Variants in VPS18 observed in about 807,000 individuals in gnomAD.
VPS18 encodes vacuolar protein sorting-associated protein 18 homolog.
VPS18 carries 25 observed loss-of-function variants against 82.0 expected under a neutral mutation model. The observed-to-expected ratio is 0.30, with a 90% CI of 0.22 to 0.43. The LOEUF (loss-of-function observed/expected upper bound fraction) is 0.43. VPS18 is among the 20% of genes least tolerant of loss of function. The probability of loss-of-function intolerance (pLI) is 1.00; values close to 1 mark genes in which losing one functional copy is unlikely to be tolerated. For synonymous variants in VPS18, 523 were observed against 543.0 expected (o/e 0.96, Z 0.51); for missense variants, 1,168 against 1,311.1 (o/e 0.89, Z 1.69).
In VPS18 at chr15:40,903,541, C is replaced by A; in HGVS notation, c.*200C>A. ...CAGCTTTTCATGCTGTTCTTCAGAG[C>A]TGCAGTTATGCCAGACCATCAGCCT... is the stretch of plus-strand genomic sequence containing the variant. On this transcript the variant is annotated 3_prime_UTR_variant, in exon 5 of 5. Transcript: ENST00000220509. 1 of 700,494 alleles carries A rather than the reference C, an allele frequency of 1.4e-6. No individual in the cohort carries two copies. The highest frequency in any genetic ancestry group is 2.1e-6 in the Non-Finnish European group (1 of 471,570). 43.4% of individuals were successfully genotyped at this position (700,494 alleles called of 1,614,324 possible).
chr15:40,903,676 A>C lies in VPS18; in HGVS notation c.*335A>C. On this transcript the variant is annotated 3_prime_UTR_variant, in exon 5 of 5. Coordinates refer to ENST00000220509, the MANE Select transcript of VPS18 (RefSeq NM_020857.3). ...GTCATTCCCCACACACGTCCTGTTC[A>C]CCTCGAGAGAGAGAGAGAGAGAGCA... 1 of 219,476 alleles carries C rather than the reference A, an allele frequency of 4.6e-6. No individual in the cohort carries two copies. The highest frequency in any genetic ancestry group is 1.4e-4 in the South Asian group (1 of 7,048). 13.6% of individuals were successfully genotyped at this position (219,476 alleles called of 1,614,324 possible).
At position 40,903,297 on chromosome 15, in the gene VPS18, A is replaced by C. The variant is rs1439630151; in HGVS notation, c.2878A>C (p.Ile960Leu). 1 of 1,562,172 alleles carries C rather than the reference A, an allele frequency of 6.4e-7. No individual in the cohort carries two copies. Among genetic ancestry groups the C allele is most frequent in the Non-Finnish European group, 8.7e-7 (1 of 1,154,914 alleles). ...GATCCGCTCTATCGACCGGCCGTTCATCGACCCCCAGCGCTACGAGGAGGA... is the reference window on the plus strand; with the variant it reads ...GATCCGCTCTATCGACCGGCCGTTCCTCGACCCCCAGCGCTACGAGGAGGA... Reference protein sequence around the residue: ...LMIRSIDRPFIDPQRYEEEQL... With the variant: ...LMIRSIDRPFLDPQRYEEEQL... The change falls in exon 5 of 5, where the codon ATC (isoleucine) becomes CTC (leucine). Residue 960 changes from isoleucine to leucine, a missense_variant. Physicochemically the swap from Ile to Leu is conservative, Grantham distance 5 (BLOSUM62 2). Coordinates refer to ENST00000220509, the MANE Select transcript of VPS18 (RefSeq NM_020857.3).
rs765728897 is a variant in VPS18 at position 40,899,029 on chromosome 15, T to A, written c.325+31T>A. The A allele has an allele frequency of 2.5e-6, 4 of 1,611,212 alleles. No homozygotes were observed. In the African/African-American group the frequency reaches 5.4e-5, roughly 22 times the overall value. On this transcript the variant is annotated intron_variant, in intron 3 of 4. Coordinates refer to ENST00000220509, the MANE Select transcript of VPS18 (RefSeq NM_020857.3). This position sits in a 1 kb window ranked among gnomAD's most constrained non-coding sequence, Gnocchi z 4.4. ...TAACAGTGGAGATCTGAGGAGGGGG[T>A]CTCTGGTCAGTCACTGCCTGGGTGG... is the stretch of plus-strand genomic sequence containing the variant.
rs758721464 is a variant in VPS18 at position 40,903,070 on chromosome 15, G to A, written c.2651G>A (p.Arg884Gln). 1.4e-5 allele frequency: 22 copies of A among 1,613,970 alleles called. No individual in the cohort carries two copies. Among genetic ancestry groups the A allele is most frequent in the East Asian group, 8.9e-5 (4 of 44,892 alleles). Residue 884 changes from arginine to glutamine, a missense_variant, in exon 5 of 5, where the codon CGA (arginine) becomes CAA (glutamine). Transcript: ENST00000220509. The part of the protein sequence containing the change: ...FHADCLLQAV[R>Q]PGLPAYKQAR... ...GCTGACTGCCTGCTGCAGGCTGTGC[G>A]ACCTGGCCTGCCAGCCTACAAGCAG...
Position 40,895,932 on chromosome 15 carries a change from C to T in VPS18, c.92-6C>T, listed in dbSNP as rs1201623095. ...AGCTAATCTTCTTGTCATTCCTTAC[C>T]TGTAGGGTATGTGAATGCCCAGCTG... On this transcript the variant is annotated splice_polypyrimidine_tract_variant and splice_region_variant and intron_variant, in intron 1 of 4. Coordinates refer to ENST00000220509, the MANE Select transcript of VPS18 (RefSeq NM_020857.3). 3.7e-6 allele frequency: 6 copies of T among 1,614,160 alleles called. No homozygotes were observed. In the Admixed American group the frequency reaches 1.0e-4, roughly 27 times the overall value.
rs1402103677 is a variant in VPS18 at position 40,902,112 on chromosome 15, CTTTCTTTTTT to C, written c.2197-500_2197-491del. ...AGGTGATTTCTTTCTTTCTTTCTTT[CTTTCTTTTTT>C]TTTTTTTTGAGACGGAGTCTTGCTC... On this transcript the variant is annotated intron_variant, in intron 4 of 4. Transcript: ENST00000220509. This position sits in a 1 kb window ranked among gnomAD's most constrained non-coding sequence, Gnocchi z 4.2. 7.5e-6 allele frequency among the ~76,000 whole-genome samples: 1 copy of C among 132,770 alleles called. No individual in the cohort carries two copies. Among genetic ancestry groups the C allele is most frequent in the Non-Finnish European group, 1.5e-5 (1 of 65,014 alleles). 87.1% of individuals were successfully genotyped at this position (132,770 alleles called of 152,430 possible). A position where few individuals can be genotyped will look rare whatever the true frequency, so the allele number is the denominator to read the frequency against.
At position 40,895,593 on chromosome 15, in the gene VPS18, A is replaced by G. The variant is rs539741271; in HGVS notation, c.92-345A>G. ...GCTATACTACTTCAGTTAAGCTGGGATTGCTGGGCCAAAGACCTGATAAGG... is the reference window on the plus strand; with the variant it reads ...GCTATACTACTTCAGTTAAGCTGGGGTTGCTGGGCCAAAGACCTGATAAGG... On this transcript the variant is annotated intron_variant, in intron 1 of 4. Coordinates refer to ENST00000220509, the MANE Select transcript of VPS18 (RefSeq NM_020857.3). 2.0e-5 allele frequency among the ~76,000 whole-genome samples: 3 copies of G among 152,250 alleles called. No homozygotes were observed. The East Asian group carries it at 5.8e-4, about 29-fold the overall frequency.
In VPS18 at chr15:40,902,471, C is replaced by T; in HGVS notation, c.2197-145C>T. ...GCCCTACTACTCTAAGTAGCTTTTACATAGCTGTGGCAGCGGCAGGCCCCC... is the reference window on the plus strand; with the variant it reads ...GCCCTACTACTCTAAGTAGCTTTTATATAGCTGTGGCAGCGGCAGGCCCCC... On this transcript the variant is annotated intron_variant, in intron 4 of 4. Coordinates refer to ENST00000220509, the MANE Select transcript of VPS18 (RefSeq NM_020857.3). The surrounding 1 kb of genome is among the most constrained non-coding windows in gnomAD (Gnocchi z 4.2). 1 of 1,148,876 alleles carries T rather than the reference C, an allele frequency of 8.7e-7. No homozygotes were observed. Among genetic ancestry groups the T allele is most frequent in the Non-Finnish European group, 1.2e-6 (1 of 835,516 alleles). The allele number at this position is 1,148,876 out of a possible 1,614,324, so 71.2% of individuals were successfully genotyped here.
chr15:40,901,495 G>C (rs1287984835), intron 4 of VPS18, among the ~76,000 whole-genome samples: 1 of 151,948 alleles, frequency 6.6e-6, no homozygotes, highest in African/African-American at 2.4e-5. Flanking sequence ...GCTGAGGCAG[G>C]AGAATCGCTT....
intron 1 of VPS18, 91 bp downstream of exon 1, chr15:40,894,950 A>T (rs1477364420): frequency 3.0e-6 from 4 of 1,339,276 alleles, no homozygotes; most frequent in Non-Finnish European, 4.1e-6. Context: ...GCTCGGGGTC[A>T]TCCCCTGGGC....
At position 40,902,894 on chromosome 15, in the gene VPS18, G is replaced by A. The variant is rs780799119; in HGVS notation, c.2475G>A (p.Glu825=). Residue 825 remains glutamate (E), a synonymous_variant, in exon 5 of 5, where the codon GAG becomes GAA. Coordinates refer to ENST00000220509, the MANE Select transcript of VPS18 (RefSeq NM_020857.3). The surrounding 1 kb of genome is among the most constrained non-coding windows in gnomAD (Gnocchi z 4.2). ...AGGAGCTGCAGCGGGAGATGGAAGA[G>A]GCTACAGCCAGTGCCCAGCGCATCC... ...HIQELQREME[E]ATASAQRIRR... 6.2e-7 allele frequency: 1 copy of A among 1,614,254 alleles called. No homozygotes were observed. The highest frequency in any genetic ancestry group is 1.1e-5 in the South Asian group (1 of 91,086).
rs368330219 is a variant in VPS18 at position 40,899,560 on chromosome 15, T to G, written c.742T>G (p.Phe248Val). The G allele has an allele frequency of 6.2e-7, 1 of 1,608,316 alleles. No individual in the cohort carries two copies. The highest frequency in any genetic ancestry group is 1.3e-5 in the African/African-American group (1 of 74,938). The change falls in exon 4 of 5, where the codon TTT (phenylalanine) becomes GTT (valine). Residue 248 changes from phenylalanine to valine, a missense_variant. By Grantham distance (50) the Phe-to-Val change is conservative. This residue lies in a region of VPS18 where 868 missense variants were observed against 939.8 expected (regional missense o/e 0.92). Transcript: ENST00000220509. The surrounding 1 kb of genome is among the most constrained non-coding windows in gnomAD (Gnocchi z 4.4). ...GAEAQGFSGLFAAYTDHPPPF... is the reference protein window; with the variant it reads ...GAEAQGFSGLVAAYTDHPPPF... ...TGAGGCCCAGGGTTTCTCAGGGCTC[T>G]TTGCAGCTTACACGGACCACCCACC... is the stretch of plus-strand genomic sequence containing the variant.
At position 40,902,335 on chromosome 15, in the gene VPS18, G is replaced by A. The variant is rs976461887; in HGVS notation, c.2197-281G>A. Among the ~76,000 whole-genome samples the A allele has an allele frequency of 2.6e-5, 4 of 152,066 alleles. No homozygotes were observed. Among genetic ancestry groups the A allele is most frequent in the African/African-American group, 7.2e-5 (3 of 41,410 alleles). Reference sequence around the variant, plus strand: ...TCACTGTGTTAGCCAGGATGGTCTCGATCTCCTGACCTCGTGATCTGCCTG... The same window carrying A: ...TCACTGTGTTAGCCAGGATGGTCTCAATCTCCTGACCTCGTGATCTGCCTG... On this transcript the variant is annotated intron_variant, in intron 4 of 4. Transcript: ENST00000220509. The surrounding 1 kb of genome is among the most constrained non-coding windows in gnomAD (Gnocchi z 4.2).
chr15:40,894,713 G>A lies in VPS18; in HGVS notation c.-56G>A, dbSNP rs1892197880. ...TTCTGGGGCGACGGGGACCCCGGGGGGGTAGCCCTTTTGTAATCCCCAGGC... is the reference window on the plus strand; with the variant it reads ...TTCTGGGGCGACGGGGACCCCGGGGAGGTAGCCCTTTTGTAATCCCCAGGC... On this transcript the variant is annotated 5_prime_UTR_variant, in exon 1 of 5. Coordinates refer to ENST00000220509, the MANE Select transcript of VPS18 (RefSeq NM_020857.3). The A allele has an allele frequency of 4.0e-6, 6 of 1,494,980 alleles. No homozygotes were observed. The highest frequency in any genetic ancestry group is 3.6e-6 in the Non-Finnish European group (4 of 1,113,550). 92.6% of individuals were successfully genotyped at this position (1,494,980 alleles called of 1,614,324 possible).
In VPS18 at chr15:40,899,896, C is replaced by T. The variant is rs1892312470; in HGVS notation, c.1078C>T (p.Leu360=). The T allele has an allele frequency of 6.2e-7, 1 of 1,610,806 alleles. No homozygotes were observed. Among genetic ancestry groups the T allele is most frequent in the Non-Finnish European group, 8.5e-7 (1 of 1,180,016 alleles). Residue 360 remains leucine, a synonymous_variant, in exon 4 of 5, where the codon CTG becomes TTG. Coordinates refer to ENST00000220509, the MANE Select transcript of VPS18 (RefSeq NM_020857.3). This position sits in a 1 kb window ranked among gnomAD's most constrained non-coding sequence, Gnocchi z 4.4. The part of the protein sequence containing the change: ...TGQVVLRDHF[L]EKFGPLKHMV... ...GCAGGTGGTGCTGCGGGATCACTTC[C>T]TGGAGAAATTTGGGCCGCTGAAGCA...
chr15:40,899,901 GA>G lies in VPS18; in HGVS notation c.1086del (p.Lys362AsnfsTer5). ...TGGTGCTGCGGGATCACTTCCTGGA[GA>G]AATTTGGGCCGCTGAAGCACATGGT... ...QVVLRDHFLE[K>X]FGPLKHMVKD... On this transcript the variant is annotated frameshift_variant, in exon 4 of 5. Transcript: ENST00000220509. LOFTEE classifies it high-confidence loss of function. The surrounding 1 kb of genome is among the most constrained non-coding windows in gnomAD (Gnocchi z 4.4). The G allele has an allele frequency of 1.2e-6, 2 of 1,611,276 alleles. No individual in the cohort carries two copies. The highest frequency in any genetic ancestry group is 1.7e-6 in the Non-Finnish European group (2 of 1,180,032).
In VPS18 at chr15:40,903,052, G is replaced by C; in HGVS notation, c.2633G>C (p.Cys878Ser). Residue 878 changes from cysteine (C) to serine (S), a missense_variant, in exon 5 of 5, where the codon TGC becomes TCC. Physicochemically the swap from Cys to Ser is moderately radical, Grantham distance 112 (BLOSUM62 -1). Coordinates refer to ENST00000220509, the MANE Select transcript of VPS18 (RefSeq NM_020857.3). ...TGTGGCCATATGTTCCATGCTGACT[G>C]CCTGCTGCAGGCTGTGCGACCTGGC... ...FLCGHMFHAD[C>S]LLQAVRPGLP... is the part of the protein sequence containing the mutation. 6.2e-7 allele frequency: 1 copy of C among 1,614,234 alleles called. No homozygotes were observed. The highest frequency in any genetic ancestry group is 8.5e-7 in the Non-Finnish European group (1 of 1,180,050).
At position 40,894,474 on chromosome 15, in the gene VPS18, G is replaced by A. The variant is rs1274112861; in HGVS notation, c.-295G>A. 6.5e-6 allele frequency: 2 copies of A among 309,588 alleles called. No individual in the cohort carries two copies. The highest frequency in any genetic ancestry group is 1.2e-5 in the Non-Finnish European group (2 of 168,434). 19.2% of individuals were successfully genotyped at this position (309,588 alleles called of 1,614,324 possible). A position where few individuals can be genotyped will look rare whatever the true frequency, so the allele number is the denominator to read the frequency against. ...GAGTCAGCTGAGCTGCCGGGGCGAG[G>A]TTGGGATCACCTGGCACCGGCTGAA... On this transcript the variant is annotated 5_prime_UTR_variant, in exon 1 of 5. Transcript: ENST00000220509.
chr15:40,898,978 A>C lies in VPS18; in HGVS notation c.305A>C (p.Lys102Thr). 1.2e-6 allele frequency: 2 copies of C among 1,614,144 alleles called. No homozygotes were observed. Among genetic ancestry groups the C allele is most frequent in the South Asian group, 1.1e-5 (1 of 91,064 alleles). The change falls in exon 3 of 5, where the codon AAG becomes ACG. Residue 102 changes from lysine (K) to threonine (T), a missense_variant. By Grantham distance (78) the Lys-to-Thr change is moderately conservative. This residue lies in a region of VPS18 where 868 missense variants were observed against 939.8 expected (regional missense o/e 0.92). Coordinates refer to ENST00000220509, the MANE Select transcript of VPS18 (RefSeq NM_020857.3). ...CGTAAGGATGACGCAAAAGTTCACA[A>C]GATGTTCCTTGACCATACTGGTAAG... is the stretch of plus-strand genomic sequence containing the variant. ...LGRKDDAKVH[K>T]MFLDHTGSHL...
Sources: gnomAD v4.1 joint callset for allele counts (sites outside exome capture counted in the v4.1 genomes callset) on GRCh38, gnomAD v4.1.1 for gene constraint, gnomAD v4.1.1 regional missense constraint, Gnocchi (gnomAD v3.1) non-coding constraint, MANE v1.5 for transcripts, NCBI Gene and HGNC (gene_info 2026-07-23, HGNC 2026-07-21) for gene names.